GPC5: variants seen among roughly 807,000 people sequenced by gnomAD.
GPC5 encodes the protein glypican 5, also known as glypican-5.
GPC5 carries 47 observed loss-of-function variants against 53.9 expected under a neutral mutation model. The ratio of observed to expected loss-of-function variants is 0.87; its 90% confidence interval spans 0.69 to 1.11. The LOEUF (loss-of-function observed/expected upper bound fraction) is 1.11. Among genes scored for constraint, GPC5 ranks in the 50% most tolerant of loss-of-function variants. The probability of loss-of-function intolerance (pLI) is 0.00; values close to 1 mark genes in which losing one functional copy is unlikely to be tolerated. For synonymous variants in GPC5, 286 were observed against 263.3 expected, an observed-to-expected ratio of 1.09 and a Z score of -0.84; for missense variants, 748 against 713.1, an observed-to-expected ratio of 1.05 and a Z score of -0.56.
chr13:92,459,671 T>G (rs930613463), intron 7 of GPC5, among the ~76,000 whole-genome samples: 2 of 152,198 alleles, frequency 1.3e-5, no homozygotes, highest in Non-Finnish European at 2.9e-5. Context: ...TCTCAAATTT[T>G]TTTGCCTTAT....
At chr13:91,685,528 C>G (rs1472269805) in intron 2 of GPC5, among the ~76,000 whole-genome samples, 1 of 152,194 alleles carries the variant, frequency 6.6e-6, no homozygotes, top group Non-Finnish European at 1.5e-5. Context: ...GCACCCTTCA[C>G]TTTTCATCCC....
intron 7 of GPC5, among the ~76,000 whole-genome samples, chr13:92,781,484 T>C (rs1867942805): frequency 6.6e-6 from 1 of 152,154 alleles, no homozygotes; most frequent in African/African-American, 2.4e-5. Flanking sequence ...TTTCAAATTA[T>C]TTTGATGTAC....
At chr13:92,727,493 C>T (rs567350385) in intron 7 of GPC5, among the ~76,000 whole-genome samples, 3 of 151,480 alleles carry the variant, frequency 2.0e-5, no homozygotes, top group African/African-American at 7.2e-5. Context: ...ATCAAGCCTG[C>T]TTTCCAACTG....
At chr13:91,686,368 G>T (rs2035622947) in intron 2 of GPC5, among the ~76,000 whole-genome samples, 1 of 151,952 alleles carries the variant, frequency 6.6e-6, no homozygotes, top group African/African-American at 2.4e-5. Context: ...TTAACAAAAG[G>T]CTAATTCTTG....
chr13:91,674,549 A>C, intron 2 of GPC5, among the ~76,000 whole-genome samples: 1 of 148,566 alleles, frequency 6.7e-6, no homozygotes, highest in South Asian at 2.2e-4. Flanking sequence ...ACGCATATAT[A>C]TGCGTATGTG....
At chr13:92,530,426 T>C (rs1470939765) in intron 7 of GPC5, among the ~76,000 whole-genome samples, 2 of 63,716 alleles carry the variant, frequency 3.1e-5, no homozygotes, top group African/African-American at 4.6e-5. Context: ...GTGCAGCCAG[T>C]GGAGGCAAGA....
At chr13:91,759,851 A>G (rs1434294782) in intron 5 of GPC5, among the ~76,000 whole-genome samples, 1 of 152,152 alleles carries the variant, frequency 6.6e-6, no homozygotes, top group Admixed American at 6.6e-5. Context: ...TCAAATAATT[A>G]AACAAAATTA....
chr13:92,516,248 AAAT>A (rs1350050791), intron 7 of GPC5, among the ~76,000 whole-genome samples: 5 of 152,172 alleles, frequency 3.3e-5, no homozygotes, highest in Admixed American at 6.5e-5. Context: ...CTACACAAGA[AAAT>A]AATAATAATC....
intron 6 of GPC5, among the ~76,000 whole-genome samples, chr13:91,944,139 A>C (rs2039953704): frequency 6.6e-6 from 1 of 151,054 alleles, no homozygotes; most frequent in African/African-American, 2.4e-5. Flanking sequence ...TCTGTCGCCC[A>C]GGCTGGAGTG....
At chr13:91,870,522 A>G (rs2039132703) in intron 5 of GPC5, among the ~76,000 whole-genome samples, 1 of 152,180 alleles carries the variant, frequency 6.6e-6, no homozygotes, top group Admixed American at 6.5e-5. Flanking sequence ...TAATAAGCAG[A>G]CGCCATGACA....
chr13:91,587,155 A>G (rs1403930069), intron 2 of GPC5, among the ~76,000 whole-genome samples: 8 of 152,272 alleles, frequency 5.3e-5, no homozygotes, highest in Admixed American at 2.6e-4. Flanking sequence ...TCTGGGTGGT[A>G]TACTTATGCG....
intron 6 of GPC5, among the ~76,000 whole-genome samples, chr13:92,017,123 G>T (rs551152098): frequency 6.6e-6 from 1 of 152,082 alleles, no homozygotes; most frequent in East Asian, 1.9e-4. Flanking sequence ...GTGGTGTAGG[G>T]GCTCTTTACT....
intron 7 of GPC5, among the ~76,000 whole-genome samples, chr13:92,468,245 TC>T (rs747166492): frequency 1.6e-4 from 24 of 152,136 alleles, no homozygotes; most frequent in African/African-American, 5.1e-4. Flanking sequence ...AGCTATTGCT[TC>T]CCTTCAAGGG....
intron 6 of GPC5, among the ~76,000 whole-genome samples, chr13:92,126,592 G>A (rs1401542155): frequency 2.6e-5 from 4 of 152,160 alleles, no homozygotes; most frequent in Admixed American, 1.3e-4. Context: ...TTGGGACACA[G>A]CCATGCTCAT....
chr13:92,232,954 T>A (rs1281829502), intron 7 of GPC5, among the ~76,000 whole-genome samples: 1 of 152,206 alleles, frequency 6.6e-6, no homozygotes, highest in Non-Finnish European at 1.5e-5. Flanking sequence ...TGTATATGAA[T>A]GGTGTTCTTT....
chr13:92,292,583 T>A (rs187778089), intron 7 of GPC5, among the ~76,000 whole-genome samples: 1 of 152,196 alleles, frequency 6.6e-6, no homozygotes, highest in Non-Finnish European at 1.5e-5. Flanking sequence ...CTTTGTCAGA[T>A]GTATAGATTG....
intron 2 of GPC5, among the ~76,000 whole-genome samples, chr13:91,460,606 T>C (rs1197917727): frequency 6.6e-6 from 1 of 152,148 alleles, no homozygotes; most frequent in Non-Finnish European, 1.5e-5. Flanking sequence ...TGGGCTGATA[T>C]ATTTTTATTA....
At chr13:92,847,710 G>A (rs756990959) in intron 7 of GPC5, among the ~76,000 whole-genome samples, 1 of 151,776 alleles carries the variant, frequency 6.6e-6, no homozygotes. Flanking sequence ...TGTCTTTGTT[G>A]AGTGTGTTGT....
intron 7 of GPC5, among the ~76,000 whole-genome samples, chr13:92,491,134 C>T (rs980248084): frequency 6.6e-6 from 1 of 151,976 alleles, no homozygotes; most frequent in African/African-American, 2.4e-5. Context: ...AGAATTAAAC[C>T]TATGCTAATG....
Sources: gnomAD v4.1 joint callset for allele counts (sites outside exome capture counted in the v4.1 genomes callset) on GRCh38, gnomAD v4.1.1 for gene constraint, MANE v1.5 for transcripts, NCBI Gene and HGNC (gene_info 2026-07-23, HGNC 2026-07-21) for gene names.